Variants in NAV1 observed in about 807,000 individuals in gnomAD.
NAV1 encodes pore membrane and/or filament interacting like protein 3.
NAV1 carries 18 observed loss-of-function variants against 175.2 expected under a neutral mutation model. The observed-to-expected ratio is 0.10, with a 90% CI of 0.07 to 0.15. The LOEUF (loss-of-function observed/expected upper bound fraction) is 0.15, where lower values mean the gene tolerates loss of function less well. Among genes scored for constraint, NAV1 ranks in the 10% least tolerant of loss-of-function variants. The pLI is 1.00. For missense variants in NAV1, 1,731 were observed against 2,436.6 expected, an observed-to-expected ratio of 0.71 and a Z score of 6.10; for synonymous variants, 897 against 978.7, an observed-to-expected ratio of 0.92 and a Z score of 1.56.
chr1:201,567,926 C>T (rs1478543499), intron 1 of NAV1, among the ~76,000 whole-genome samples: 1 of 152,132 alleles, frequency 6.6e-6, no homozygotes, highest in Non-Finnish European at 1.5e-5. Context: ...TGAAGATCAA[C>T]CCTAGGAGAC....
At chr1:201,675,088 T>C (rs143958193) in intron 1 of NAV1, among the ~76,000 whole-genome samples, 31 of 149,290 alleles carry the variant, frequency 2.1e-4, no homozygotes, top group Middle Eastern at 3.6e-3. Flanking sequence ...CCATGAGGGA[T>C]CCACTCCCAT....
At chr1:201,698,657 T>G (rs1385120674) in intron 1 of NAV1, among the ~76,000 whole-genome samples, 1 of 151,880 alleles carries the variant, frequency 6.6e-6, no homozygotes, top group African/African-American at 2.4e-5. Context: ...CAGGCAGGAG[T>G]GTGATAGGCA....
rs536423755 is a variant in NAV1 at position 201,597,233 on chromosome 1, C to T, written c.-33+8584C>T. ...CGATCTTGTGATGAGAAGTTAAGGA[C>T]GAAGAGGAGAATCAGTGAAGGGGGT... is the stretch of plus-strand genomic sequence containing the variant. On this transcript the variant is annotated intron_variant, in intron 2 of 33. Transcript: ENST00000685211. Among the ~76,000 whole-genome samples, 7 of 152,286 alleles carry T rather than the reference C, an allele frequency of 4.6e-5. No homozygotes were observed. The East Asian group carries it at 5.8e-4, about 13-fold the overall frequency.
intron 1 of NAV1, among the ~76,000 whole-genome samples, chr1:201,546,096 C>T (rs888740155): frequency 3.3e-5 from 5 of 152,190 alleles, no homozygotes; most frequent in Admixed American, 1.3e-4. Context: ...ATGAGACACA[C>T]GGTTAGGGGG....
chr1:201,759,584 A>G (rs933653838), intron 3 of NAV1, among the ~76,000 whole-genome samples: 1 of 152,236 alleles, frequency 6.6e-6, no homozygotes. Flanking sequence ...ACACTGCTGC[A>G]TGCTTGTCCA....
intron 8 of NAV1, among the ~76,000 whole-genome samples, chr1:201,786,192 C>T (rs993652198): frequency 3.3e-5 from 5 of 152,166 alleles, no homozygotes; most frequent in African/African-American, 1.2e-4. Context: ...CTGCCCCCAG[C>T]TCAGGAACCC....
intron 2 of NAV1, among the ~76,000 whole-genome samples, chr1:201,630,446 C>T (rs1002843697): frequency 2.0e-5 from 3 of 152,214 alleles, no homozygotes; most frequent in Admixed American, 2.0e-4. Context: ...ACAGCCTGAC[C>T]CTGAGATCAC....
At chr1:201,779,091 G>A (rs1222943188) in intron 3 of NAV1, among the ~76,000 whole-genome samples, 1 of 152,162 alleles carries the variant, frequency 6.6e-6, no homozygotes, top group Non-Finnish European at 1.5e-5. Context: ...ACTTTTTAAG[G>A]TCCAAAAGGA....
chr1:201,720,636 C>T (rs1672343295), intron 3 of NAV1, among the ~76,000 whole-genome samples: 1 of 152,204 alleles, frequency 6.6e-6, no homozygotes, highest in South Asian at 2.1e-4. Context: ...GGTTCACCTC[C>T]CCAGGCTTTC....
chr1:201,717,224 C>T (rs1197528563), intron 2 of NAV1, among the ~76,000 whole-genome samples: 1 of 152,230 alleles, frequency 6.6e-6, no homozygotes, highest in Non-Finnish European at 1.5e-5. Context: ...AGTGGCTAAG[C>T]AATGGATGTG....
At chr1:201,598,616 T>C (rs1667427921) in intron 2 of NAV1, among the ~76,000 whole-genome samples, 1 of 152,162 alleles carries the variant, frequency 6.6e-6, no homozygotes, top group Non-Finnish European at 1.5e-5. Flanking sequence ...TCGCCTGGAA[T>C]AGGAGCAGGG....
chr1:201,734,499 G>GAGAAGAAGAAGAAGAAGAAGAAGA (rs60196611), intron 3 of NAV1, among the ~76,000 whole-genome samples: 2,981 of 121,134 alleles, frequency 0.025, 101 homozygotes, highest in African/African-American at 0.052. Flanking sequence ...GAAGGAGAAG[G>GAGAAGAAGAAGAAGAAGAAGAAGA]AGAAGAAGAA....
At chr1:201,649,127 G>T (rs1220101931) in exon 1 of NAV1, 1 of 1,612,132 alleles carries the variant, frequency 6.2e-7, no homozygotes, top group Admixed American at 1.7e-5. Flanking sequence ...AGGGCAGCCC[G>T]GCGGGCGGCG....
Position 201,813,305 on chromosome 1 carries a change from C to CTTTG in NAV1, c.5340+47_5340+48insTTTG. ...CAAACCCTAAGATCAGGCTGTCCTA[C>CTTTG]CTAACAAAGTAGGAATGTTTCTTTA... On this transcript the variant is annotated intron_variant, in intron 28 of 29. Coordinates refer to ENST00000367296, the Ensembl canonical transcript of NAV1. This position sits in a 1 kb window ranked among gnomAD's most constrained non-coding sequence, Gnocchi z 4.2. 2 of 1,220,554 alleles carry CTTTG rather than the reference C, an allele frequency of 1.6e-6. No homozygotes were observed. Among genetic ancestry groups the CTTTG allele is most frequent in the Non-Finnish European group, 2.4e-6 (2 of 835,830 alleles). 75.6% of individuals were successfully genotyped at this position (1,220,554 alleles called of 1,614,324 possible).
chr1:201,806,435 C>T (rs1204282384), intron 17 of NAV1, among the ~76,000 whole-genome samples: 1 of 152,170 alleles, frequency 6.6e-6, no homozygotes, highest in Non-Finnish European at 1.5e-5. Context: ...CGGAACAGTT[C>T]TGGCTTTGGG....
intron 2 of NAV1, among the ~76,000 whole-genome samples, chr1:201,642,557 T>TTTCTTTCTTTCCTTC (rs1571858664): frequency 3.8e-5 from 4 of 106,018 alleles, no homozygotes; most frequent in Non-Finnish European, 7.6e-5. Flanking sequence ...TTCTTTCTTT[T>TTTCTTTCTTTCCTTC]TTCCCTTTCT....
chr1:201,701,665 G>A (rs918359382), intron 1 of NAV1, among the ~76,000 whole-genome samples: 7 of 152,236 alleles, frequency 4.6e-5, no homozygotes, highest in African/African-American at 1.7e-4. Context: ...CTAGGGAAAT[G>A]TAGATGACAC....
In NAV1 at chr1:201,782,785, T is replaced by C. The variant is rs1029833587; in HGVS notation, c.2273T>C (p.Ile758Thr). ...TCAGACAACATCTCCTTGAAGAGTA[T>C]TGGCTCCCCAGAAAGTACTCCCAAG... The change falls in exon 6 of 30, where the codon ATT becomes ACT. Residue 758 changes from isoleucine (I) to threonine (T), a missense_variant. Transcript: ENST00000367296. The surrounding 1 kb of genome is among the most constrained non-coding windows in gnomAD (Gnocchi z 5.4). 8.1e-6 allele frequency: 13 copies of C among 1,613,864 alleles called. No individual in the cohort carries two copies. Among genetic ancestry groups the C allele is most frequent in the Middle Eastern group, 1.7e-4 (1 of 6,060 alleles).
intron 3 of NAV1, among the ~76,000 whole-genome samples, chr1:201,757,614 A>G (rs1341090639): frequency 6.6e-6 from 1 of 152,192 alleles, no homozygotes. Flanking sequence ...ACCATACTCT[A>G]CATCTCCAGT....
Sources: gnomAD v4.1 joint callset for allele counts (sites outside exome capture counted in the v4.1 genomes callset) on GRCh38, gnomAD v4.1.1 for gene constraint, Gnocchi (gnomAD v3.1) non-coding constraint, MANE v1.5 for transcripts, NCBI Gene and HGNC (gene_info 2026-07-23, HGNC 2026-07-21) for gene names.